Variants in DNAJB14 observed in about 807,000 individuals in gnomAD.
The protein encoded by DNAJB14 is DnaJ heat shock protein family (Hsp40) member B14, also known as dnaJ homolog subfamily B member 14.
In DNAJB14, 22 loss-of-function variants were observed where a neutral mutation model predicts 48.4. The observed-to-expected ratio is 0.45, with a 90% confidence interval of 0.32 to 0.65. DNAJB14 has a LOEUF of 0.65. Among genes scored for constraint, DNAJB14 ranks in the 30% least tolerant of loss-of-function variants. The pLI is 0.03. For missense variants in DNAJB14, 319 were observed against 458.8 expected (o/e 0.70, Z 2.78); for synonymous variants, 142 against 158.7 (o/e 0.89, Z 0.79).
intron 1 of DNAJB14, among the ~76,000 whole-genome samples, chr4:99,945,275 T>C (rs1367231428): frequency 6.6e-6 from 1 of 152,182 alleles, no homozygotes; most frequent in Non-Finnish European, 1.5e-5. Context: ...ATGGGTATAG[T>C]GTTAGAAGGC....
chr4:99,924,886 T>C (rs1386865552), intron 2 of DNAJB14: 1 of 1,131,894 alleles, frequency 8.8e-7, no homozygotes, highest in East Asian at 2.3e-5. Flanking sequence ...AGATTTTGCC[T>C]CTAGGCAAAA....
intron 1 of DNAJB14, among the ~76,000 whole-genome samples, chr4:99,941,095 C>A (rs563855980): frequency 6.6e-6 from 1 of 152,084 alleles, no homozygotes; most frequent in African/African-American, 2.4e-5. Flanking sequence ...ATTAAATAAA[C>A]AGCTATCATT....
rs369999406 is a variant in DNAJB14 at position 99,908,928 on chromosome 4, A to G, written c.452-32T>C. ...AAGTAATGAGTAAAAGTTGGTAAGCAAAGTTTTTATATTATAAAAGGCTGC... is the reference window on the plus strand; with the variant it reads ...AAGTAATGAGTAAAAGTTGGTAAGCGAAGTTTTTATATTATAAAAGGCTGC... On this transcript the variant is annotated intron_variant, in intron 3 of 7. Coordinates refer to ENST00000442697, the MANE Select transcript of DNAJB14 (RefSeq NM_001031723.4). The G allele has an allele frequency of 6.2e-6, 9 of 1,455,378 alleles. No homozygotes were observed. The African/African-American group carries it at 1.2e-4, about 19-fold the overall frequency. 90.2% of individuals were successfully genotyped at this position (1,455,378 alleles called of 1,614,324 possible).
intron 3 of DNAJB14, among the ~76,000 whole-genome samples, chr4:99,912,679 A>G (rs1321912771): frequency 9.9e-5 from 15 of 152,066 alleles, no homozygotes. Flanking sequence ...GGGTTTCTCC[A>G]TGTTGGTCAG....
intron 1 of DNAJB14, among the ~76,000 whole-genome samples, chr4:99,941,477 A>G (rs1726889322): frequency 6.6e-6 from 1 of 152,194 alleles, no homozygotes; most frequent in Non-Finnish European, 1.5e-5. Flanking sequence ...ACTTAAGATA[A>G]TAAAATATCC....
chr4:99,916,391 G>A (rs566503905), intron 3 of DNAJB14, among the ~76,000 whole-genome samples: 1 of 152,108 alleles, frequency 6.6e-6, no homozygotes, highest in Non-Finnish European at 1.5e-5. Flanking sequence ...TCCCACCTTT[G>A]CCTCCCAAAG....
In DNAJB14 at chr4:99,930,600, T is replaced by G. The variant is rs755370749; in HGVS notation, c.155A>C (p.Lys52Thr). The change falls in exon 2 of 8, where the codon AAA becomes ACA. Residue 52 changes from lysine to threonine, a missense_variant. Transcript: ENST00000442697. The stretch of plus-strand genomic sequence containing the variant: ...GCTATTTCCAGCCGTGCTTCCATTT[T>G]TCATAATTATTTCCAATAGTGCTGT... ...SARALLEIIM[K>T]NGSTAGNSPH... The G allele has an allele frequency of 6.2e-7, 1 of 1,611,146 alleles. No individual in the cohort carries two copies. Among genetic ancestry groups the G allele is most frequent in the Non-Finnish European group, 8.5e-7 (1 of 1,178,560 alleles).
intron 1 of DNAJB14, among the ~76,000 whole-genome samples, chr4:99,941,738 T>C (rs905168988): frequency 1.3e-5 from 2 of 152,196 alleles, no homozygotes; most frequent in African/African-American, 2.4e-5. Context: ...ATTTTATAGA[T>C]GAGGAAATTG....
At chr4:99,945,622 A>T (rs1487069248) in intron 1 of DNAJB14, among the ~76,000 whole-genome samples, 1 of 152,218 alleles carries the variant, frequency 6.6e-6, no homozygotes, top group East Asian at 1.9e-4. Flanking sequence ...ACCTGGTCAA[A>T]TGAATCCTGC....
At chr4:99,925,210 A>T (rs1726207149) in intron 2 of DNAJB14, 1 of 166,544 alleles carries the variant, frequency 6.0e-6, no homozygotes, top group African/African-American at 2.4e-5. Flanking sequence ...AGTACCTAAG[A>T]CAATGTAAAT....
intron 3 of DNAJB14, among the ~76,000 whole-genome samples, chr4:99,918,855 G>A (rs183339675): frequency 4.6e-5 from 7 of 152,316 alleles, no homozygotes; most frequent in South Asian, 2.1e-4. Flanking sequence ...CAGGGAGAAT[G>A]AGCACCCTTT....
intron 1 of DNAJB14, among the ~76,000 whole-genome samples, chr4:99,938,459 G>A (rs1726768634): frequency 6.6e-6 from 1 of 151,508 alleles, no homozygotes; most frequent in African/African-American, 2.4e-5. Context: ...ATCTAAGAGA[G>A]TGTCCTTGTC....
At chr4:99,942,090 ATTT>A (rs905117554) in intron 1 of DNAJB14, 1 of 152,082 alleles carries the variant, frequency 6.6e-6, no homozygotes, top group South Asian at 2.1e-4. Flanking sequence ...AGAACTTTGT[ATTT>A]TTTATTAGAT....
intron 1 of DNAJB14, among the ~76,000 whole-genome samples, chr4:99,934,038 G>A (rs888644523): frequency 6.6e-6 from 1 of 152,170 alleles, no homozygotes; most frequent in Admixed American, 6.5e-5. Context: ...TAAAGGCATG[G>A]AAGACTCTAG....
intron 2 of DNAJB14, chr4:99,926,753 G>A (rs1299574364): frequency 6.6e-6 from 1 of 151,950 alleles, no homozygotes; most frequent in African/African-American, 2.4e-5. Flanking sequence ...AAAAAAAAGG[G>A]GGGGCCAGAC....
intron 2 of DNAJB14, chr4:99,925,107 G>T: frequency 2.7e-6 from 1 of 373,810 alleles, no homozygotes; most frequent in Non-Finnish European, 4.9e-6. Context: ...AAAATCTACA[G>T]ATGCTCAAAT....
chr4:99,936,777 T>G (rs1267610889), intron 1 of DNAJB14, among the ~76,000 whole-genome samples: 2 of 152,168 alleles, frequency 1.3e-5, no homozygotes, highest in Admixed American at 1.3e-4. Flanking sequence ...CAAAAATAAA[T>G]GATGATAATG....
intron 2 of DNAJB14, chr4:99,927,076 A>G (rs1051819525): frequency 2.8e-4 from 42 of 152,328 alleles, no homozygotes; most frequent in African/African-American, 1.0e-3. Flanking sequence ...GCTTTCTAAA[A>G]GAGTAAAACC....
chr4:99,932,926 G>A (rs1311382591), intron 1 of DNAJB14, among the ~76,000 whole-genome samples: 2 of 152,168 alleles, frequency 1.3e-5, no homozygotes, highest in East Asian at 3.8e-4. Flanking sequence ...GTACAGAACA[G>A]GCAAATCTAC....
Sources: gnomAD v4.1 joint callset for allele counts (sites outside exome capture counted in the v4.1 genomes callset) on GRCh38, gnomAD v4.1.1 for gene constraint, MANE v1.5 for transcripts, NCBI Gene and HGNC (gene_info 2026-07-23, HGNC 2026-07-21) for gene names.